Variants in ABCG1 observed in about 807,000 individuals in gnomAD.
ABCG1 encodes the protein ATP-binding cassette sub-family G member 1.
A neutral mutation model predicts 69.2 loss-of-function variants in ABCG1; 29 were observed. The observed-to-expected ratio is 0.42, with a 90% CI of 0.31 to 0.57. ABCG1 has a LOEUF of 0.57. ABCG1 is among the 20% of genes least tolerant of loss of function. The probability of loss-of-function intolerance (pLI) is 0.15; values close to 1 mark genes in which losing one functional copy is unlikely to be tolerated. For missense variants in ABCG1, 718 were observed against 898.1 expected (o/e 0.80, Z 2.56); for synonymous variants, 370 against 374.8 (o/e 0.99, Z 0.15).
intron 2 of ABCG1, among the ~76,000 whole-genome samples, chr21:42,252,581 G>T (rs1271116455): frequency 1.3e-5 from 2 of 152,076 alleles, no homozygotes; most frequent in Non-Finnish European, 2.9e-5. Context: ...TCTGGTTGGT[G>T]TTGGACTATG....
chr21:42,277,248 G>C (rs2068727638), intron 5 of ABCG1, among the ~76,000 whole-genome samples: 1 of 152,184 alleles, frequency 6.6e-6, no homozygotes, highest in Non-Finnish European at 1.5e-5. Flanking sequence ...TTCAGGGTTA[G>C]ACCAAGAGTG....
rs1215288422 is a variant in ABCG1, at chr21:42,259,432, GA to G, written c.287-11633del. 1.1e-5 allele frequency: 17 copies of G among 1,549,490 alleles called. No individual in the cohort carries two copies. In the East Asian group the frequency reaches 1.2e-4, roughly 11 times the overall value. On this transcript the variant is annotated intron_variant, in intron 2 of 14. Transcript: ENST00000398449. ...AATGTCTGTGATTCAGCTCTTCAGG[GA>G]AAAAGGGTGCCGATGTCTGGCCTAC...
At chr21:42,238,661 G>C (rs1248032471) in intron 2 of ABCG1, among the ~76,000 whole-genome samples, 1 of 152,200 alleles carries the variant, frequency 6.6e-6, no homozygotes, top group Non-Finnish European at 1.5e-5. Flanking sequence ...ACAAAGCTTG[G>C]CAAGCAACAT....
chr21:42,261,428 G>A (rs1158014993), intron 2 of ABCG1, among the ~76,000 whole-genome samples: 1 of 152,196 alleles, frequency 6.6e-6, no homozygotes, highest in Admixed American at 6.5e-5. Flanking sequence ...CCATGAGAAA[G>A]GATGACTCCT....
intron 5 of ABCG1, among the ~76,000 whole-genome samples, chr21:42,277,858 C>T (rs1454014575): frequency 6.6e-6 from 1 of 152,200 alleles, no homozygotes; most frequent in Non-Finnish European, 1.5e-5. Context: ...CTATTTCCGG[C>T]ATTTCCCCCT....
chr21:42,282,188 C>A, intron 5 of ABCG1, 86 bp from the exon 6 acceptor site: 1 of 1,533,470 alleles, frequency 6.5e-7, no homozygotes, highest in South Asian at 1.2e-5. Flanking sequence ...AGGCTGAGGG[C>A]GGCTGGCAGG....
chr21:42,260,966 C>T (rs1335169009), intron 2 of ABCG1, among the ~76,000 whole-genome samples: 2 of 152,066 alleles, frequency 1.3e-5, no homozygotes, highest in East Asian at 1.9e-4. Flanking sequence ...GGACTACAGG[C>T]GCCAGCCACC....
In ABCG1 at chr21:42,294,739, A is replaced by G. The variant is rs547583765; in HGVS notation, c.1772+79A>G. The stretch of plus-strand genomic sequence containing the variant: ...CCGTCTCCAACAGCGTGAGGGGCTC[A>G]CAAAAGCCACTCTGGGCTGCTGGCC... On this transcript the variant is annotated intron_variant, in intron 14 of 14. Transcript: ENST00000398449. 10 of 1,289,310 alleles carry G rather than the reference A, an allele frequency of 7.8e-6. No homozygotes were observed. The East Asian group carries it at 1.6e-4, about 21-fold the overall frequency. 79.9% of individuals were successfully genotyped at this position (1,289,310 alleles called of 1,614,324 possible).
intron 5 of ABCG1, 37 bp from the exon 6 acceptor site, chr21:42,282,237 G>GTCAGAGACAAT (rs750351342): frequency 9.0e-5 from 143 of 1,596,906 alleles, no homozygotes; most frequent in Non-Finnish European, 1.2e-4. Flanking sequence ...GAGCTTTGGC[G>GTCAGAGACAAT]GGCAGCTCCC....
chr21:42,286,427 A>T (rs969957030), intron 8 of ABCG1, among the ~76,000 whole-genome samples: 2 of 151,992 alleles, frequency 1.3e-5, no homozygotes, highest in African/African-American at 4.8e-5. Context: ...AAAATATTTG[A>T]TTCATGCAAT....
In ABCG1 at chr21:42,224,107, C is replaced by CT. The variant is rs1445942708; in HGVS notation, c.43-1561dup. Among the ~76,000 whole-genome samples the CT allele has an allele frequency of 3.9e-5, 6 of 152,200 alleles. No individual in the cohort carries two copies. In the South Asian group the frequency reaches 8.3e-4, roughly 21 times the overall value. On this transcript the variant is annotated intron_variant, in intron 1 of 14. Coordinates refer to ENST00000398449, the MANE Select transcript of ABCG1 (RefSeq NM_016818.3). Reference sequence around the variant, plus strand: ...GGGTAGAACCCAGCGCGTTCTGTGTCTTTATTTGTGTGGCAAGGTGGGGAT... The same window carrying CT: ...GGGTAGAACCCAGCGCGTTCTGTGTCTTTTATTTGTGTGGCAAGGTGGGGAT...
At position 42,296,142 on chromosome 21, in the gene ABCG1, C is replaced by A. The variant is rs1485659274; in HGVS notation, c.1773-22C>A. Reference sequence around the variant, plus strand: ...GGCTGGCTGGGAGAACGTCCTCCCTCATGCCTGGCCTTTCCTCCTAGGTAT... The same window carrying A: ...GGCTGGCTGGGAGAACGTCCTCCCTAATGCCTGGCCTTTCCTCCTAGGTAT... On this transcript the variant is annotated intron_variant, in intron 14 of 14. Transcript: ENST00000398449. The surrounding 1 kb of genome is among the most constrained non-coding windows in gnomAD (Gnocchi z 5.4). 1 of 1,602,528 alleles carries A rather than the reference C, an allele frequency of 6.2e-7. No individual in the cohort carries two copies. Among genetic ancestry groups the A allele is most frequent in the African/African-American group, 1.3e-5 (1 of 74,800 alleles).
chr21:42,284,609 C>G lies in ABCG1; in HGVS notation c.784C>G (p.Leu262Val). Residue 262 changes from leucine to valine, a missense_variant, in exon 7 of 15, where the codon CTC (leucine) becomes GTC (valine). Physicochemically the swap from Leu to Val is conservative, Grantham distance 32. Transcript: ENST00000398449. ...CCAGGTGGTCTCGCTGATGAAAGGG[C>G]TCGCTCAAGGGGGTCGCTCCATCAT... ...CFQVVSLMKG[L>V]AQGGRSIICT... The G allele has an allele frequency of 6.2e-7, 1 of 1,613,980 alleles. No individual in the cohort carries two copies. The highest frequency in any genetic ancestry group is 1.1e-5 in the South Asian group (1 of 91,088).
chr21:42,294,235 A>G (rs1196234088), intron 13 of ABCG1, among the ~76,000 whole-genome samples: 1 of 152,254 alleles, frequency 6.6e-6, no homozygotes, highest in East Asian at 1.9e-4. Context: ...GGAGGAGCAG[A>G]CGGCAGTCTG....
Position 42,288,320 on chromosome 21 carries a change from T to C in ABCG1, c.1224+8T>C. On this transcript the variant is annotated splice_region_variant and intron_variant, in intron 10 of 14. Coordinates refer to ENST00000398449, the MANE Select transcript of ABCG1 (RefSeq NM_016818.3). The surrounding 1 kb of genome is among the most constrained non-coding windows in gnomAD (Gnocchi z 4.8). ...AGCATCATGAGGGACTCGGTAAGGC[T>C]GCCCGCATCTTCTCCTGTAGCTGGG... 1 of 1,569,844 alleles carries C rather than the reference T, an allele frequency of 6.4e-7. No homozygotes were observed. The highest frequency in any genetic ancestry group is 8.7e-7 in the Non-Finnish European group (1 of 1,149,880).
intron 2 of ABCG1, among the ~76,000 whole-genome samples, chr21:42,262,711 G>A (rs1020406313): frequency 4.6e-5 from 7 of 152,324 alleles, no homozygotes; most frequent in African/African-American, 7.2e-5. Flanking sequence ...AGCCGCCTCC[G>A]GGTTTGGCAG....
At chr21:42,253,637 G>A (rs879327021) in intron 2 of ABCG1, among the ~76,000 whole-genome samples, 5 of 152,088 alleles carry the variant, frequency 3.3e-5, no homozygotes, top group Non-Finnish European at 5.9e-5. Flanking sequence ...AAGGGAAACC[G>A]CACGTGAGGG....
intron 2 of ABCG1, among the ~76,000 whole-genome samples, chr21:42,233,951 G>T (rs9984192): frequency 0.088 from 13,422 of 152,302 alleles, 926 homozygotes; most frequent in African/African-American, 0.19. Context: ...TCTTGAAAGT[G>T]AACCTTTTGG....
chr21:42,207,647 A>G (rs1181922286), intron 2 of ABCG1, among the ~76,000 whole-genome samples: 1 of 152,216 alleles, frequency 6.6e-6, no homozygotes, highest in Non-Finnish European at 1.5e-5. Context: ...CGGCACTGCC[A>G]CCTTACTACC....
Sources: allele counts gnomAD v4.1 joint callset (sites outside exome capture counted in the v4.1 genomes callset), GRCh38; gene constraint gnomAD v4.1.1; non-coding constraint Gnocchi (gnomAD v3.1); transcripts MANE v1.5; gene names NCBI Gene and HGNC (gene_info 2026-07-23, HGNC 2026-07-21).